MAGT1: variants seen among roughly 807,000 people sequenced by gnomAD.
The protein encoded by MAGT1 is magnesium transporter 1, also known as dolichyl-diphosphooligosaccharide--protein glycosyltransferase subunit MAGT1.
Under a neutral mutation model 28.4 loss-of-function variants are expected in MAGT1, and 4 were observed. The observed-to-expected ratio is 0.14, with a 90% CI of 0.07 to 0.32. The LOEUF is 0.32. MAGT1 is among the 10% of genes least tolerant of loss of function. MAGT1 has a pLI of 1.00. For missense variants in MAGT1, 193 were observed against 264.5 expected (o/e 0.73, Z 1.88); for synonymous variants, 89 against 89.7 (o/e 0.99, Z 0.04).
At chrX:77,868,037 C>T (rs2077011850) in intron 3 of MAGT1, 1 of 66,016 alleles carries the variant, frequency 1.5e-5, no homozygotes, top group Non-Finnish European at 4.1e-5. Context: ...GGCTATGACA[C>T]ACGTTGTACA....
chrX:77,877,149 T>G (rs1259130704), intron 1 of MAGT1, among the ~76,000 whole-genome samples: 1 of 109,309 alleles, frequency 9.1e-6, no homozygotes, highest in East Asian at 2.8e-4. Context: ...TTCTTAGGCC[T>G]GACAACAAAA....
At chrX:77,877,013 C>CAAAAAAAAAAAAAAAAAAAA (rs782800456) in intron 1 of MAGT1, among the ~76,000 whole-genome samples, 1 of 10,653 alleles carries the variant, frequency 9.4e-5, no homozygotes, top group Non-Finnish European at 1.9e-4. Flanking sequence ...AACTCCATCT[C>CAAAAAAAAAAAAAAAAAAAA]AAAAAAAAAA....
rs782732533 is a variant in MAGT1 at position 77,827,571 on chromosome X, A to G, written c.*1649T>C. The G allele has an allele frequency of 3.7e-5, 4 of 107,550 alleles. No individual in the cohort carries two copies. Among genetic ancestry groups the G allele is most frequent in the Non-Finnish European group, 7.7e-5 (4 of 52,264 alleles). The allele number at this position is 107,550 out of a possible 1,213,427, so 8.9% of individuals were successfully genotyped here. ...ATTCTCGTGCCTCAGCCTCCTGTGT[A>G]GCTGGGATTACAGGCTCCTGCCACC... On this transcript the variant is annotated 3_prime_UTR_variant, in exon 10 of 10. Transcript: ENST00000618282.
At chrX:77,854,444 T>C (rs2076976438) in intron 6 of MAGT1, among the ~76,000 whole-genome samples, 1 of 111,100 alleles carries the variant, frequency 9.0e-6, no homozygotes, top group Non-Finnish European at 1.9e-5. Context: ...TCCCAAATGC[T>C]TGAATACTGT....
chrX:77,874,472 T>C (rs1557217575), intron 2 of MAGT1, among the ~76,000 whole-genome samples: 1 of 106,328 alleles, frequency 9.4e-6, no homozygotes, highest in Non-Finnish European at 1.9e-5. Context: ...GGTGTGCACT[T>C]GTAGTATCAG....
chrX:77,882,623 A>G (rs1191056822), intron 1 of MAGT1, among the ~76,000 whole-genome samples: 1 of 110,872 alleles, frequency 9.0e-6, no homozygotes, highest in East Asian at 2.8e-4. Flanking sequence ...CAATATGTGG[A>G]GTTTTCCTAC....
Position 77,858,406 on chromosome X carries a change from G to T in MAGT1, c.391-909C>A, listed in dbSNP as rs189670195. On this transcript the variant is annotated intron_variant, in intron 3 of 9. Transcript: ENST00000618282. ...GGGGTTCACCATGTTGGCCAGGCTG[G>T]TCTTGAACTCCTGACTGCAAATGAT... Among the ~76,000 whole-genome samples the T allele has an allele frequency of 1.8e-3, 194 of 110,853 alleles. 1 individual carries two copies. The highest frequency in any genetic ancestry group is 5.9e-3 in the African/African-American group (181 of 30,494).
At chrX:77,895,012 A>G (rs1373998172) in intron 1 of MAGT1, among the ~76,000 whole-genome samples, 1 of 110,789 alleles carries the variant, frequency 9.0e-6, no homozygotes, top group Non-Finnish European at 1.9e-5. Context: ...CGAACTCCCC[A>G]CCCCCAACAC....
chrX:77,885,061 C>CAA (rs782414984), intron 1 of MAGT1, among the ~76,000 whole-genome samples: 3 of 52,338 alleles, frequency 5.7e-5, no homozygotes, highest in African/African-American at 7.3e-5. Context: ...GACTCCATCT[C>CAA]AAAAAAAAAA....
intron 9 of MAGT1, among the ~76,000 whole-genome samples, chrX:77,829,521 G>C (rs1237440324): frequency 9.1e-6 from 1 of 109,912 alleles, no homozygotes; most frequent in Non-Finnish European, 1.9e-5. Flanking sequence ...GTGTTGCCCA[G>C]TCTGGTCTGG....
chrX:77,872,196 T>A (rs968780450), intron 2 of MAGT1, among the ~76,000 whole-genome samples: 1 of 109,561 alleles, frequency 9.1e-6, no homozygotes, highest in Non-Finnish European at 1.9e-5. Context: ...GTGCCCACCA[T>A]CATGCCCAGC....
At chrX:77,834,535 T>C (rs782364841) in intron 8 of MAGT1, among the ~76,000 whole-genome samples, 1 of 109,386 alleles carries the variant, frequency 9.1e-6, no homozygotes, top group Non-Finnish European at 1.9e-5. Context: ...GGTTTCACCA[T>C]GTTGGCCAGG....
chrX:77,865,672 A>G (rs371066242), intron 3 of MAGT1, among the ~76,000 whole-genome samples: 28 of 112,083 alleles, frequency 2.5e-4, no homozygotes, highest in African/African-American at 8.4e-4. Context: ...TAAATGTATA[A>G]CAGAAATTTA....
At chrX:77,879,206 G>A (rs782288494) in intron 1 of MAGT1, among the ~76,000 whole-genome samples, 3 of 110,538 alleles carry the variant, frequency 2.7e-5, no homozygotes, top group East Asian at 5.7e-4. Flanking sequence ...ACAGGCACAC[G>A]CCACCACGCC....
chrX:77,851,246 C>T (rs1162613879), intron 7 of MAGT1, among the ~76,000 whole-genome samples: 14 of 110,925 alleles, frequency 1.3e-4, no homozygotes, highest in Non-Finnish European at 2.5e-4. Context: ...ACAAGAGTCT[C>T]ACCCTGTCAT....
At position 77,895,297 on chromosome X, in the gene MAGT1, C is replaced by T. The variant is rs782095247; in HGVS notation, c.102+12G>A. On this transcript the variant is annotated intron_variant, in intron 1 of 9. Transcript: ENST00000618282. ...TGGGAAAAGCCCATGCTGCTGGAAA[C>T]CGCGTTCTCACCTCCTTCTTTCTTT... 3.3e-6 allele frequency: 4 copies of T among 1,211,516 alleles called. No individual in the cohort carries two copies. In the Admixed American group the frequency reaches 8.7e-5, roughly 26 times the overall value.
chrX:77,849,874 CAAAAACA>C (rs2076962275), intron 7 of MAGT1, among the ~76,000 whole-genome samples: 1 of 54,867 alleles, frequency 1.8e-5, no homozygotes, highest in Non-Finnish European at 3.3e-5. Flanking sequence ...GACTCCATCT[CAAAAACA>C]AAAAACAAAA....
chrX:77,834,466 T>G (rs1186774326), intron 8 of MAGT1, among the ~76,000 whole-genome samples: 4 of 107,627 alleles, frequency 3.7e-5, no homozygotes, highest in Non-Finnish European at 7.7e-5. Context: ...CCCAAGTAGC[T>G]GGGACTACAG....
chrX:77,843,764 C>A (rs781840455), intron 7 of MAGT1, among the ~76,000 whole-genome samples: 1 of 111,824 alleles, frequency 8.9e-6, no homozygotes, highest in Admixed American at 9.6e-5. Flanking sequence ...ATACATGTCC[C>A]ATGTTGCTGT....
Sources: gnomAD v4.1 joint callset for allele counts (sites outside exome capture counted in the v4.1 genomes callset) on GRCh38, gnomAD v4.1.1 for gene constraint, MANE v1.5 for transcripts, NCBI Gene and HGNC (gene_info 2026-07-23, HGNC 2026-07-21) for gene names.